The following DACT3 variants were observed in gnomAD, a reference collection of about 807,000 sequenced individuals.
DACT3 encodes the protein dapper homolog 3.
DACT3 carries 5 observed loss-of-function variants against 19.6 expected under a neutral mutation model. The observed-to-expected ratio is 0.26, with a 90% CI of 0.13 to 0.54. The LOEUF is 0.54. Among genes scored for constraint, DACT3 ranks in the 20% least tolerant of loss-of-function variants. DACT3 has a pLI of 0.95. For synonymous variants in DACT3, 454 were observed against 428.1 expected (o/e 1.06, Z -0.75); for missense variants, 908 against 927.4 (o/e 0.98, Z 0.27).
intron 3 of DACT3, chr19:46,652,134 T>A (rs1471885647): frequency 1.9e-5 from 3 of 155,030 alleles, no homozygotes; most frequent in African/African-American, 7.2e-5. Flanking sequence ...TCTCAGGTGA[T>A]CCACCTGCTT....
chr19:46,656,182 T>C lies in DACT3; in HGVS notation c.250-3107A>G, dbSNP rs546108822. 4.9e-4 allele frequency among the ~76,000 whole-genome samples: 73 copies of C among 149,394 alleles called. 1 individual carries two copies. The highest frequency in any genetic ancestry group is 1.6e-3 in the African/African-American group (65 of 40,498). On this transcript the variant is annotated intron_variant, in intron 1 of 3. Coordinates refer to ENST00000391916, the MANE Select transcript of DACT3 (RefSeq NM_145056.3). ...TTTTTGCCTCAGCCTCCCAAGCAGG[T>C]GGGATGACAAGCATGTCCCACCACA...
intron 1 of DACT3, among the ~76,000 whole-genome samples, chr19:46,655,925 C>CTCTCTCTCTATATA (rs980735397): frequency 4.4e-5 from 6 of 137,898 alleles, no homozygotes; most frequent in African/African-American, 1.6e-4. Flanking sequence ...CTCTCTCTCT[C>CTCTCTCTCTATATA]TATATATATA....
intron 1 of DACT3, among the ~76,000 whole-genome samples, chr19:46,659,809 G>A (rs1037096833): frequency 6.6e-6 from 1 of 152,158 alleles, no homozygotes; most frequent in African/African-American, 2.4e-5. Context: ...CGGGCTGGGG[G>A]GAGGGGAAGA....
At position 46,654,136 on chromosome 19, in the gene DACT3, G is replaced by T. The variant is rs2053013049; in HGVS notation, c.250-1061C>A. ...AGACCACATCCTCCTTCTGCCTTTG[G>T]TCCACTCCCACCAGGAAGCTCCAGT... On this transcript the variant is annotated intron_variant, in intron 1 of 3. Transcript: ENST00000391916. 9 of 985,254 alleles carry T rather than the reference G, an allele frequency of 9.1e-6. No homozygotes were observed. The South Asian group carries it at 1.9e-4, about 21-fold the overall frequency. The allele number at this position is 985,254 out of a possible 1,614,324, so 61.0% of individuals were successfully genotyped here.
chr19:46,656,289 A>G (rs548494667), intron 1 of DACT3, among the ~76,000 whole-genome samples: 113 of 152,092 alleles, frequency 7.4e-4, no homozygotes, highest in African/African-American at 2.7e-3. Context: ...ACTACAAGTC[A>G]TCCGCCCACC....
rs984090918 is a variant in DACT3, at chr19:46,654,568, C to T, written c.250-1493G>A. On this transcript the variant is annotated intron_variant, in intron 1 of 3. Coordinates refer to ENST00000391916, the MANE Select transcript of DACT3 (RefSeq NM_145056.3). ...TGCTGCAGGAAAAGAGCACTTCTCA[C>T]GGATGGGGTCTCCAAGACATTAGGA... is the stretch of plus-strand genomic sequence containing the variant. 11 of 985,118 alleles carry T rather than the reference C, an allele frequency of 1.1e-5. No individual in the cohort carries two copies. The Admixed American group carries it at 1.8e-4, about 17-fold the overall frequency. The allele number at this position is 985,118 out of a possible 1,614,324, so 61.0% of individuals were successfully genotyped here.
Position 46,649,364 on chromosome 19 carries a change from G to A in DACT3, c.1008C>T (p.Pro336=), listed in dbSNP as rs780961523. 1.1e-4 allele frequency: 138 copies of A among 1,262,942 alleles called. No individual in the cohort carries two copies. The highest frequency in any genetic ancestry group is 1.3e-4 in the Non-Finnish European group (133 of 998,970). The allele number at this position is 1,262,942 out of a possible 1,614,324, so 78.2% of individuals were successfully genotyped here. A position where few individuals can be genotyped will look rare whatever the true frequency, so the allele number is the denominator to read the frequency against. The stretch of plus-strand genomic sequence containing the variant: ...GTGAGGGGGCGGCGGGCGGCGCAGC[G>A]GGCTCGGGTGCCGCCTCCGACTCCC... ...SSWESEAAPE[P]AAPPAAPSPP... Residue 336 remains proline (P), a synonymous_variant, in exon 4 of 4, where the codon CCC becomes CCT. Coordinates refer to ENST00000391916, the MANE Select transcript of DACT3 (RefSeq NM_145056.3).
Position 46,648,537 on chromosome 19 carries a change from T to C in DACT3, c.1835A>G (p.Lys612Arg). 1 of 1,614,016 alleles carries C rather than the reference T, an allele frequency of 6.2e-7. No individual in the cohort carries two copies. Among genetic ancestry groups the C allele is most frequent in the Non-Finnish European group, 8.5e-7 (1 of 1,179,864 alleles). ...FVKIKASHAL[K>R]KKILRFRSGS... is the part of the protein sequence containing the mutation. Reference sequence around the variant, plus strand: ...CGAACGGAAACGCAGTATCTTTTTCTTGAGCGCGTGGGAAGCTTTGATTTT... The same window carrying C: ...CGAACGGAAACGCAGTATCTTTTTCCTGAGCGCGTGGGAAGCTTTGATTTT... The change falls in exon 4 of 4, where the codon AAG (lysine) becomes AGG (arginine). Residue 612 changes from lysine to arginine, a missense_variant. Around this residue, in one of 2 missense-constraint regions of DACT3, gnomAD observed 656 missense variants for 601.8 expected, o/e 1.09. Transcript: ENST00000391916. The surrounding 1 kb of genome is among the most constrained non-coding windows in gnomAD (Gnocchi z 5.1).
chr19:46,657,346 CTTTTTT>C (rs71177239), intron 1 of DACT3, among the ~76,000 whole-genome samples: 20 of 69,384 alleles, frequency 2.9e-4, no homozygotes, highest in African/African-American at 1.0e-3. Flanking sequence ...AAATGAGTTT[CTTTTTT>C]TTTTTTTTTT....
At chr19:46,655,707 T>C (rs532645665) in intron 1 of DACT3, among the ~76,000 whole-genome samples, 10 of 152,284 alleles carry the variant, frequency 6.6e-5, no homozygotes, top group South Asian at 4.1e-4. Context: ...CGGAGATTTG[T>C]CTGTTTAGCT....
intron 1 of DACT3, among the ~76,000 whole-genome samples, chr19:46,655,273 CTTTTCGGGTT>C (rs1455226592): frequency 6.6e-6 from 1 of 152,084 alleles, no homozygotes; most frequent in Non-Finnish European, 1.5e-5. Flanking sequence ...CGTTGCCCTG[CTTTTCGGGTT>C]TTTTCTACAT....
intron 1 of DACT3, chr19:46,654,095 C>G (rs575767656): frequency 8.1e-6 from 8 of 985,400 alleles, no homozygotes; most frequent in Non-Finnish European, 8.4e-6. Context: ...CATCCCAGCA[C>G]GTTCCTTTGC....
At position 46,648,228 on chromosome 19, in the gene DACT3, C is replaced by G; in HGVS notation, c.*254G>C. 1 of 570,122 alleles carries G rather than the reference C, an allele frequency of 1.8e-6. No individual in the cohort carries two copies. The highest frequency in any genetic ancestry group is 3.1e-6 in the Non-Finnish European group (1 of 322,264). The allele number at this position is 570,122 out of a possible 1,614,324, so 35.3% of individuals were successfully genotyped here. A position where few individuals can be genotyped will look rare whatever the true frequency, so the allele number is the denominator to read the frequency against. ...CTGTACAGATGAGGAAAGTGACGCCCAGAGAAGGGGAACTGTCTTGCCCAA... is the reference window on the plus strand; with the variant it reads ...CTGTACAGATGAGGAAAGTGACGCCGAGAGAAGGGGAACTGTCTTGCCCAA... On this transcript the variant is annotated 3_prime_UTR_variant, in exon 4 of 4. Coordinates refer to ENST00000391916, the MANE Select transcript of DACT3 (RefSeq NM_145056.3). This position sits in a 1 kb window ranked among gnomAD's most constrained non-coding sequence, Gnocchi z 5.1.
intron 1 of DACT3, among the ~76,000 whole-genome samples, chr19:46,653,539 T>TTATTTTTATTTATTTATTTATTTA (rs1555822615): frequency 7.1e-6 from 1 of 141,152 alleles, no homozygotes; most frequent in African/African-American, 2.7e-5. Flanking sequence ...CTTTTTTTAT[T>TTATTTTTATTTATTTATTTATTTA]TTTATTTATT....
At position 46,648,678 on chromosome 19, in the gene DACT3, C is replaced by T. The variant is rs1328990352; in HGVS notation, c.1694G>A (p.Ser565Asn). The change falls in exon 4 of 4, where the codon AGC becomes AAC. Residue 565 changes from serine (S) to asparagine (N), a missense_variant. By Grantham distance (46) the Ser-to-Asn change is conservative. Transcript: ENST00000391916. The surrounding 1 kb of genome is among the most constrained non-coding windows in gnomAD (Gnocchi z 5.1). The stretch of plus-strand genomic sequence containing the variant: ...GAGGCCACCGCTGCCGTCTGAGTCG[C>T]TGGAGGCAGAGCTGAAGGCAGGCGA... The part of the protein sequence containing the change: ...GESPAFSSAS[S>N]DSDGSGGLVW... 1 of 1,611,728 alleles carries T rather than the reference C, an allele frequency of 6.2e-7. No individual in the cohort carries two copies. Among genetic ancestry groups the T allele is most frequent in the Non-Finnish European group, 8.5e-7 (1 of 1,179,402 alleles).
chr19:46,647,778 T>A lies in DACT3; in HGVS notation c.*704A>T. 1 of 152,458 alleles carries A rather than the reference T, an allele frequency of 6.6e-6. No homozygotes were observed. The allele number at this position is 152,458 out of a possible 1,614,324, so 9.4% of individuals were successfully genotyped here. On this transcript the variant is annotated 3_prime_UTR_variant, in exon 4 of 4. Coordinates refer to ENST00000391916, the MANE Select transcript of DACT3 (RefSeq NM_145056.3). ...GGGTCATCAGGCTTCCCCCATTCCC[T>A]CTCACAGGGAGTGGGGGTCATGAGA...
At chr19:46,656,617 T>A (rs760963705) in intron 1 of DACT3, among the ~76,000 whole-genome samples, 3 of 152,246 alleles carry the variant, frequency 2.0e-5, no homozygotes, top group Non-Finnish European at 4.4e-5. Flanking sequence ...CTTAAAGTGC[T>A]GGGATTGCAG....
chr19:46,657,502 C>T (rs766343938), intron 1 of DACT3, among the ~76,000 whole-genome samples: 23 of 151,286 alleles, frequency 1.5e-4, no homozygotes, highest in African/African-American at 4.4e-4. Flanking sequence ...TACAGGTGCC[C>T]GCCACCACGC....
Position 46,648,329 on chromosome 19 carries a change from T to TATCA in DACT3, c.*152_*153insTGAT. On this transcript the variant is annotated 3_prime_UTR_variant, in exon 4 of 4. Transcript: ENST00000391916. The surrounding 1 kb of genome is among the most constrained non-coding windows in gnomAD (Gnocchi z 5.1). ...CCTCTCGGTGGTGGTGGGGGAGCCT[T>TATCA]TTCAACCAAGACTGTTAGGAGTGGG... 1 of 1,326,476 alleles carries TATCA rather than the reference T, an allele frequency of 7.5e-7. No individual in the cohort carries two copies. Among genetic ancestry groups the TATCA allele is most frequent in the South Asian group, 1.5e-5 (1 of 68,718 alleles). The allele number at this position is 1,326,476 out of a possible 1,614,324, so 82.2% of individuals were successfully genotyped here. A position where few individuals can be genotyped will look rare whatever the true frequency, so the allele number is the denominator to read the frequency against.
Sources: allele counts gnomAD v4.1 joint callset (sites outside exome capture counted in the v4.1 genomes callset), GRCh38; gene constraint gnomAD v4.1.1; regional missense constraint gnomAD v4.1.1; non-coding constraint Gnocchi (gnomAD v3.1); transcripts MANE v1.5; gene names NCBI Gene and HGNC (gene_info 2026-07-23, HGNC 2026-07-21).